Variants in FSCN2 observed in about 807,000 individuals in gnomAD.
The protein encoded by FSCN2 is fascin actin-bundling protein 2, retinal, also known as fascin-2.
In FSCN2, 46 loss-of-function variants were observed where a neutral mutation model predicts 37.8. The ratio of observed to expected loss-of-function variants is 1.22; its 90% CI spans 0.96 to 1.56. The LOEUF is 1.56. Among genes scored for constraint, FSCN2 ranks in the 40% most tolerant of loss-of-function variants. FSCN2 has a pLI of 0.00. For missense variants in FSCN2, 844 were observed against 730.4 expected (o/e 1.16, Z -1.79); for synonymous variants, 351 against 309.4 (o/e 1.13, Z -1.41).
upstream of FSCN2, chr17:81,523,949 G>T (rs1339825382): frequency 1.3e-5 from 2 of 152,436 alleles, no homozygotes; most frequent in African/African-American, 4.8e-5. Context: ...GCAGCAGACA[G>T]CGTGCCAGCA....
In FSCN2 at chr17:81,536,999, C is replaced by G. The variant is rs1197264583; in HGVS notation, c.1398C>G (p.Gly466=). 5 of 1,518,344 alleles carry G rather than the reference C, an allele frequency of 3.3e-6. No homozygotes were observed. Among genetic ancestry groups the G allele is most frequent in the Non-Finnish European group, 4.4e-6 (5 of 1,140,428 alleles). 94.1% of individuals were successfully genotyped at this position (1,518,344 alleles called of 1,614,324 possible). A position where few individuals can be genotyped will look rare whatever the true frequency, so the allele number is the denominator to read the frequency against. The change falls in exon 5 of 5, where the codon GGC becomes GGG. Residue 466 remains glycine (G), a synonymous_variant. Coordinates refer to ENST00000417245, the MANE Select transcript of FSCN2 (RefSeq NM_012418.4). ...GCCTGGCCATCCGCGCCCGGAGCGG[C>G]AAGTACCTGCGCGGCGGCGCCTCGG... ...RGRLAIRARS[G]KYLRGGASGL...
At chr17:81,532,619 A>ATGGTGATG (rs1568079757) in intron 1 of FSCN2, among the ~76,000 whole-genome samples, 4 of 77,574 alleles carry the variant, frequency 5.2e-5, no homozygotes, top group African/African-American at 9.4e-5. Context: ...TGGTGATGAT[A>ATGGTGATG]ATGGTGATGA....
intron 1 of FSCN2, among the ~76,000 whole-genome samples, chr17:81,532,521 GTGATGA>G (rs377396049): frequency 2.3e-5 from 3 of 132,470 alleles, no homozygotes; most frequent in African/African-American, 9.7e-5. Context: ...GGTGACGATG[GTGATGA>G]TGATGATAGT....
chr17:81,529,141 C>T lies in FSCN2; in HGVS notation c.610C>T (p.Pro204Ser). ...LRSDGRLVWE[P>S]EPRACYTLEF... Reference sequence around the variant, plus strand: ...CAGCGACGGCCGTCTGGTCTGGGAGCCTGAGCCCCGTGCCTGCTACACGCT... The same window carrying T: ...CAGCGACGGCCGTCTGGTCTGGGAGTCTGAGCCCCGTGCCTGCTACACGCT... Residue 204 changes from proline (P) to serine (S), a missense_variant, in exon 1 of 5, where the codon CCT (proline) becomes TCT (serine). By Grantham distance (74) the Pro-to-Ser change is moderately conservative. Coordinates refer to ENST00000417245, the MANE Select transcript of FSCN2 (RefSeq NM_012418.4). The T allele has an allele frequency of 6.3e-7, 1 of 1,584,454 alleles. No individual in the cohort carries two copies. The highest frequency in any genetic ancestry group is 8.6e-7 in the Non-Finnish European group (1 of 1,166,870).
At chr17:81,517,371 G>A in the FSCN2 span, among the ~76,000 whole-genome samples, 4 of 152,186 alleles carry the variant, frequency 2.6e-5, no homozygotes, top group Non-Finnish European at 5.9e-5. Flanking sequence ...AGAGGAGAGG[G>A]CTCTGCGATG....
In FSCN2 at chr17:81,528,786, C is replaced by T. The variant is rs1598569110; in HGVS notation, c.255C>T (p.Gly85=). 3.2e-6 allele frequency: 5 copies of T among 1,566,428 alleles called. No homozygotes were observed. The highest frequency in any genetic ancestry group is 3.5e-6 in the Non-Finnish European group (4 of 1,157,760). ...TGGCCTGTGAGGCAGAGCAGCCGGG[C>T]CGTGACTGCCGCTTCCTGGTCCTGC... ...GRVACEAEQP[G]RDCRFLVLPQ... is the part of the protein sequence containing the mutation. The change falls in exon 1 of 5, where the codon GGC becomes GGT. Residue 85 remains glycine (G), a synonymous_variant. Transcript: ENST00000417245.
intron 2 of FSCN2, 67 bp from the exon 3 acceptor site, chr17:81,536,079 T>C: frequency 6.4e-7 from 1 of 1,556,552 alleles, no homozygotes; most frequent in Non-Finnish European, 8.7e-7. Context: ...CTGAGGAGGA[T>C]GGGGAAGTGA....
rs1447193459 is a variant in FSCN2, at chr17:81,537,095, C to T, written c.*15C>T. 8 of 1,404,886 alleles carry T rather than the reference C, an allele frequency of 5.7e-6. No individual in the cohort carries two copies. Among genetic ancestry groups the T allele is most frequent in the Middle Eastern group, 2.0e-4 (1 of 4,904 alleles). 87.0% of individuals were successfully genotyped at this position (1,404,886 alleles called of 1,614,324 possible). A position where few individuals can be genotyped will look rare whatever the true frequency, so the allele number is the denominator to read the frequency against. On this transcript the variant is annotated 3_prime_UTR_variant, in exon 5 of 5. Coordinates refer to ENST00000417245, the MANE Select transcript of FSCN2 (RefSeq NM_012418.4). ...GGGAGTACTGAGGCCGCGCCCAGAC[C>T]AGCCTGTCGCGCATTAAAACCGTGT...
chr17:81,536,461 C>A, intron 3 of FSCN2, 161 bp from the exon 4 acceptor site: 1 of 1,500,300 alleles, frequency 6.7e-7, no homozygotes, highest in Admixed American at 2.0e-5. Context: ...CTTATCTCCG[C>A]TGCTGGGAAC....
At chr17:81,536,495 G>A (rs1329742409) in intron 3 of FSCN2, 127 bp from the exon 4 acceptor site, 5 of 1,534,782 alleles carry the variant, frequency 3.3e-6, no homozygotes, top group Non-Finnish European at 4.4e-6. Flanking sequence ...TGCCAAGGCC[G>A]CACATGAGGC....
chr17:81,536,477 A>G, intron 3 of FSCN2, 145 bp from the exon 4 acceptor site: 1 of 1,522,582 alleles, frequency 6.6e-7, no homozygotes, highest in South Asian at 1.2e-5. Flanking sequence ...GGAACCCCCT[A>G]GGCGCCTTGC....
chr17:81,524,893 T>TCACACACACACACACACACACACACA (rs138139508), upstream of FSCN2, among the ~76,000 whole-genome samples: 2 of 122,712 alleles, frequency 1.6e-5, no homozygotes, highest in Admixed American at 7.9e-5. Flanking sequence ...ATGAGCACCT[T>TCACACACACACACACACACACACACA]CACACACACA....
intron 1 of FSCN2, among the ~76,000 whole-genome samples, chr17:81,531,477 GTGATGGTGA>G (rs1568077469): frequency 2.4e-5 from 3 of 122,588 alleles, no homozygotes; most frequent in Admixed American, 1.7e-4. Flanking sequence ...GGTGGTGGTG[GTGATGGTGA>G]TGATGGTGAT....
chr17:81,531,104 T>G, intron 1 of FSCN2, among the ~76,000 whole-genome samples: 1 of 151,366 alleles, frequency 6.6e-6, no homozygotes, highest in African/African-American at 2.4e-5. Flanking sequence ...GGCGTGGAAG[T>G]GGAGGTGAGG....
At chr17:81,526,322 C>T (rs943477498), upstream of FSCN2, among the ~76,000 whole-genome samples, 18 of 152,200 alleles carry the variant, frequency 1.2e-4, no homozygotes, top group African/African-American at 7.2e-5. Context: ...ACGGACCAAC[C>T]GAGCTGTACC....
At chr17:81,522,731 C>T in the FSCN2 span, among the ~76,000 whole-genome samples, 4 of 152,246 alleles carry the variant, frequency 2.6e-5, no homozygotes, top group African/African-American at 7.2e-5. Flanking sequence ...GGCTCGTTCA[C>T]GCCAGGTGTC....
chr17:81,537,117 G>T lies in FSCN2; in HGVS notation c.*37G>T. The T allele has an allele frequency of 7.3e-7, 1 of 1,360,684 alleles. No individual in the cohort carries two copies. The allele number at this position is 1,360,684 out of a possible 1,614,324, so 84.3% of individuals were successfully genotyped here. On this transcript the variant is annotated 3_prime_UTR_variant, in exon 5 of 5. Transcript: ENST00000417245. ...GACCAGCCTGTCGCGCATTAAAACC[G>T]TGTCTCTCCCGCAGCTGTGGGTGGG...
intron 1 of FSCN2, among the ~76,000 whole-genome samples, chr17:81,531,705 A>ATGGTGG (rs2032622114): frequency 2.1e-5 from 1 of 47,108 alleles, no homozygotes; most frequent in African/African-American, 1.0e-4. Flanking sequence ...GATGGTGATG[A>ATGGTGG]TGATAGTGAT....
upstream of FSCN2, chr17:81,523,983 T>C (rs1181872549): frequency 6.6e-6 from 1 of 152,216 alleles, no homozygotes; most frequent in Non-Finnish European, 1.5e-5. Flanking sequence ...GGCTCAAGCA[T>C]CCAGGATCAG....
Sources: gnomAD v4.1 joint callset for allele counts (sites outside exome capture counted in the v4.1 genomes callset) on GRCh38, gnomAD v4.1.1 for gene constraint, MANE v1.5 for transcripts, NCBI Gene and HGNC (gene_info 2026-07-23, HGNC 2026-07-21) for gene names.